SPEF2: variants seen among roughly 807,000 people sequenced by gnomAD.
SPEF2 encodes sperm flagella and cilia-associated protein 2.
In SPEF2, 187 loss-of-function variants were observed where a neutral mutation model predicts 224.6. The ratio of observed to expected loss-of-function variants is 0.83; its 90% CI spans 0.74 to 0.94. The LOEUF (loss-of-function observed/expected upper bound fraction) is 0.94, where lower values mean the gene tolerates loss of function less well. Among genes scored for constraint, SPEF2 ranks in the 40% least tolerant of loss-of-function variants. The pLI, the probability that SPEF2 is intolerant of heterozygous loss-of-function variation, is 0.00. For missense variants in SPEF2, 2,170 were observed against 2,135.6 expected, an observed-to-expected ratio of 1.02 and a Z score of -0.32; for synonymous variants, 715 against 707.3, an observed-to-expected ratio of 1.01 and a Z score of -0.17.
chr5:35,676,315 G>C (rs1425477663), intron 10 of SPEF2, among the ~76,000 whole-genome samples: 1 of 152,090 alleles, frequency 6.6e-6, no homozygotes, highest in African/African-American at 2.4e-5. Flanking sequence ...TTTTGGGTTT[G>C]TTCTCTACCT....
intron 20 of SPEF2, among the ~76,000 whole-genome samples, chr5:35,715,564 C>T (rs1313037914): frequency 2.0e-5 from 3 of 151,970 alleles, no homozygotes; most frequent in African/African-American, 7.3e-5. Context: ...ATGTCTCTTC[C>T]TCTGGGTGAT....
Position 35,697,732 on chromosome 5 carries a change from C to T in SPEF2, c.2080C>T (p.Leu694=). 1 of 1,613,416 alleles carries T rather than the reference C, an allele frequency of 6.2e-7. No homozygotes were observed. Among genetic ancestry groups the T allele is most frequent in the Non-Finnish European group, 8.5e-7 (1 of 1,179,640 alleles). The change falls in exon 15 of 37, where the codon CTG becomes TTG. Residue 694 remains leucine (L), a synonymous_variant. Transcript: ENST00000356031. Reference sequence around the variant, plus strand: ...GCTTGGTGCAAAATCAGAACAGTTGCTGAAGAAAGGAAAGAGCATTCCTGA... The same window carrying T: ...GCTTGGTGCAAAATCAGAACAGTTGTTGAAGAAAGGAAAGAGCATTCCTGA... ...AQLGAKSEQL[L]KKGKSIPDVL...
At chr5:35,647,357 G>T (rs1747530129) in intron 5 of SPEF2, among the ~76,000 whole-genome samples, 1 of 151,602 alleles carries the variant, frequency 6.6e-6, no homozygotes, top group African/African-American at 2.4e-5. Context: ...GAGAGAGAAG[G>T]TGCCAGGTTC....
intron 24 of SPEF2, among the ~76,000 whole-genome samples, chr5:35,756,303 G>A (rs1054220888): frequency 6.6e-6 from 1 of 152,120 alleles, no homozygotes; most frequent in Non-Finnish European, 1.5e-5. Context: ...GAGGTTTCAC[G>A]CATCCATTGG....
At chr5:35,689,592 T>C (rs1471938453) in intron 10 of SPEF2, among the ~76,000 whole-genome samples, 1 of 152,162 alleles carries the variant, frequency 6.6e-6, no homozygotes, top group Admixed American at 6.5e-5. Context: ...CACTTGTAAG[T>C]GAGAATGCAG....
At chr5:35,781,949 A>G (rs1404346713) in intron 30 of SPEF2, among the ~76,000 whole-genome samples, 1 of 152,120 alleles carries the variant, frequency 6.6e-6, no homozygotes, top group Admixed American at 6.6e-5. Flanking sequence ...TTCTCTACTG[A>G]TACTCTTGAA....
chr5:35,628,778 G>A (rs1330780864), intron 2 of SPEF2, among the ~76,000 whole-genome samples: 2 of 151,928 alleles, frequency 1.3e-5, no homozygotes, highest in Non-Finnish European at 2.9e-5. Context: ...TTTTGGTGTA[G>A]ACGGGGTTTT....
chr5:35,625,386 C>T (rs1744098820), intron 1 of SPEF2, among the ~76,000 whole-genome samples: 1 of 152,048 alleles, frequency 6.6e-6, no homozygotes, highest in South Asian at 2.1e-4. Context: ...TGTTACAGAC[C>T]GTTTGTCAGC....
chr5:35,740,786 A>G (rs186995013), intron 23 of SPEF2, among the ~76,000 whole-genome samples: 75 of 152,226 alleles, frequency 4.9e-4, no homozygotes, highest in Admixed American at 7.9e-4. Flanking sequence ...GATTTTCATA[A>G]AGTCATGAGT....
intron 36 of SPEF2, 42 bp downstream of exon 36, chr5:35,807,295 GT>G (rs747728175): frequency 1.3e-6 from 2 of 1,591,926 alleles, no homozygotes; most frequent in South Asian, 2.3e-5. Context: ...TTGGGCTCCA[GT>G]TCAGGACATG....
At chr5:35,740,103 T>G in intron 22 of SPEF2, 26 bp from the exon 23 acceptor site, 2 of 1,614,032 alleles carry the variant, frequency 1.2e-6, no homozygotes, top group South Asian at 2.2e-5. Flanking sequence ...CATATAAAAT[T>G]TATCTCATTC....
At chr5:35,672,743 G>T (rs1751360941) in intron 10 of SPEF2, among the ~76,000 whole-genome samples, 4 of 151,996 alleles carry the variant, frequency 2.6e-5, no homozygotes, top group Admixed American at 2.6e-4. Flanking sequence ...GTATTATTCA[G>T]AAATTAATCT....
At position 35,753,541 on chromosome 5, in the gene SPEF2, G is replaced by A. The variant is rs912301463; in HGVS notation, c.3331-83G>A. 68 of 1,581,840 alleles carry A rather than the reference G, an allele frequency of 4.3e-5. No individual in the cohort carries two copies. The African/African-American group carries it at 7.4e-4, about 17-fold the overall frequency. On this transcript the variant is annotated intron_variant, in intron 23 of 36. Coordinates refer to ENST00000356031, the MANE Select transcript of SPEF2 (RefSeq NM_024867.4). ...TTCTTTAGAGACATTTTTAAGAGAGGCAAAGGATTTTAGTTTTATTGCACC... is the reference window on the plus strand; with the variant it reads ...TTCTTTAGAGACATTTTTAAGAGAGACAAAGGATTTTAGTTTTATTGCACC...
intron 2 of SPEF2, among the ~76,000 whole-genome samples, chr5:35,629,332 T>A (rs570971212): frequency 9.9e-5 from 15 of 151,482 alleles, no homozygotes; most frequent in African/African-American, 3.4e-4. Flanking sequence ...TTTTTTCTAT[T>A]TTTTTTAGTA....
rs1285742726 is a variant in SPEF2 at position 35,789,079 on chromosome 5, GA to G, written c.4448-3257del. On this transcript the variant is annotated intron_variant, in intron 30 of 36. Transcript: ENST00000356031. ...ATTATTTTGCTTTTTCAGAATCACAGAAAATACTTTCCTTGAGCTCCTTGGA... is the reference window on the plus strand; with the variant it reads ...ATTATTTTGCTTTTTCAGAATCACAGAAATACTTTCCTTGAGCTCCTTGGA... 4.4e-6 allele frequency: 3 copies of G among 684,848 alleles called. No homozygotes were observed. In the South Asian group the frequency reaches 4.7e-5, roughly 11 times the overall value. 42.4% of individuals were successfully genotyped at this position (684,848 alleles called of 1,614,324 possible).
chr5:35,676,239 T>G (rs1306590672), intron 10 of SPEF2, among the ~76,000 whole-genome samples: 2 of 152,150 alleles, frequency 1.3e-5, no homozygotes, highest in East Asian at 1.9e-4. Context: ...TCTTCCAAGC[T>G]CCCTCCTCTG....
chr5:35,710,207 T>TA (rs943478003), intron 19 of SPEF2: 7 of 984,858 alleles, frequency 7.1e-6, no homozygotes, highest in Non-Finnish European at 8.4e-6. Context: ...ATTAGGAAAT[T>TA]AAAAAACAAT....
At chr5:35,768,374 T>C (rs1040917744) in intron 26 of SPEF2, among the ~76,000 whole-genome samples, 1 of 152,154 alleles carries the variant, frequency 6.6e-6, no homozygotes, top group African/African-American at 2.4e-5. Flanking sequence ...ACAAGTCTTA[T>C]GAATCCCATT....
In SPEF2 at chr5:35,704,506, C is replaced by A. The variant is rs78656260; in HGVS notation, c.2399-48C>A. 6.4e-4 allele frequency: 827 copies of A among 1,290,848 alleles called. 4 individuals are homozygous for A. In the African/African-American group the frequency reaches 0.011, roughly 17 times the overall value. 80.0% of individuals were successfully genotyped at this position (1,290,848 alleles called of 1,614,324 possible). A position where few individuals can be genotyped will look rare whatever the true frequency, so the allele number is the denominator to read the frequency against. ...ACCAGTATATTTTAGCAGTAAGTAG[C>A]AACTTTGGTTTTGAAAATTATCTAA... On this transcript the variant is annotated intron_variant, in intron 16 of 36. Transcript: ENST00000356031.
Sources: allele counts gnomAD v4.1 joint callset (sites outside exome capture counted in the v4.1 genomes callset), GRCh38; gene constraint gnomAD v4.1.1; transcripts MANE v1.5; gene names NCBI Gene and HGNC (gene_info 2026-07-23, HGNC 2026-07-21).